The following MRPL48 variants were observed in gnomAD, a reference collection of about 807,000 sequenced individuals.
The protein encoded by MRPL48 is mitochondrial ribosomal protein L48, also known as large ribosomal subunit protein mL48.
In MRPL48, 16 loss-of-function variants were observed where a neutral mutation model predicts 32.9. The observed-to-expected ratio is 0.49, with a 90% CI of 0.33 to 0.74. The LOEUF (loss-of-function observed/expected upper bound fraction) is 0.74, where lower values mean the gene tolerates loss of function less well. Among genes scored for constraint, MRPL48 ranks in the 30% least tolerant of loss-of-function variants. The pLI is 0.02. For synonymous variants in MRPL48, 94 were observed against 89.2 expected, an observed-to-expected ratio of 1.05 and a Z score of -0.31; for missense variants, 206 against 245.3, an observed-to-expected ratio of 0.84 and a Z score of 1.07.
intron 1 of MRPL48, among the ~76,000 whole-genome samples, chr11:73,788,869 C>T (rs1723846): frequency 0.081 from 12,397 of 152,192 alleles, 643 homozygotes; most frequent in African/African-American, 0.15. Flanking sequence ...TCTCCCGTTC[C>T]CTTAACAGAT....
At chr11:73,812,638 A>G (rs1947585826) in intron 3 of MRPL48, among the ~76,000 whole-genome samples, 1 of 151,544 alleles carries the variant, frequency 6.6e-6, no homozygotes. Flanking sequence ...CAGGAGTTTG[A>G]GGCTGTACCG....
Position 73,859,627 on chromosome 11 carries a change from T to C in MRPL48, c.372-280T>C, listed in dbSNP as rs1219915695. ...CCATTCTTCAGTAGCAACAAATTAT[T>C]TATTATTAATCACCAGGTTTTATTC... On this transcript the variant is annotated intron_variant, in intron 5 of 7. Coordinates refer to ENST00000310614, the MANE Select transcript of MRPL48 (RefSeq NM_016055.6). Among the ~76,000 whole-genome samples the C allele has an allele frequency of 4.6e-5, 7 of 152,282 alleles. No individual in the cohort carries two copies. In the South Asian group the frequency reaches 1.4e-3, roughly 32 times the overall value.
chr11:73,834,641 C>T (rs2135031344), intron 4 of MRPL48, among the ~76,000 whole-genome samples: 1 of 151,040 alleles, frequency 6.6e-6, no homozygotes, highest in Admixed American at 6.6e-5. Flanking sequence ...TCAAGTGATT[C>T]TCCTGCCTCA....
chr11:73,835,736 T>C (rs1029809724), intron 4 of MRPL48, among the ~76,000 whole-genome samples: 5 of 151,780 alleles, frequency 3.3e-5, no homozygotes, highest in Non-Finnish European at 5.9e-5. Flanking sequence ...CCATTTCTAC[T>C]AAAAATACAA....
chr11:73,820,357 A>T (rs1947754937), intron 3 of MRPL48, among the ~76,000 whole-genome samples: 1 of 152,062 alleles, frequency 6.6e-6, no homozygotes, highest in Admixed American at 6.6e-5. Flanking sequence ...CCTGAGTAGC[A>T]GGGACTACAG....
chr11:73,806,550 T>A (rs1414302916), intron 2 of MRPL48, among the ~76,000 whole-genome samples: 2 of 152,182 alleles, frequency 1.3e-5, no homozygotes, highest in Admixed American at 1.3e-4. Context: ...GACTCATTTT[T>A]TATATATAAA....
intron 1 of MRPL48, 138 bp downstream of exon 1, chr11:73,788,130 C>A: frequency 1.6e-6 from 2 of 1,288,734 alleles, no homozygotes; most frequent in Non-Finnish European, 2.1e-6. Context: ...CAAGGTCCTT[C>A]CCAGCAGCAC....
intron 5 of MRPL48, among the ~76,000 whole-genome samples, chr11:73,849,162 A>G (rs1449246252): frequency 6.6e-6 from 1 of 151,526 alleles, no homozygotes; most frequent in African/African-American, 2.4e-5. Flanking sequence ...GTTGAGACGG[A>G]GTCTTGCTCT....
At chr11:73,847,095 A>G (rs1948306443) in intron 5 of MRPL48, among the ~76,000 whole-genome samples, 1 of 151,382 alleles carries the variant, frequency 6.6e-6, no homozygotes, top group Admixed American at 6.6e-5. Flanking sequence ...ATTGTATAGT[A>G]AGTTTATGTT....
At chr11:73,798,647 C>G (rs1947302939) in intron 1 of MRPL48, among the ~76,000 whole-genome samples, 1 of 152,030 alleles carries the variant, frequency 6.6e-6, no homozygotes, top group Non-Finnish European at 1.5e-5. Context: ...ATTTAAGTAA[C>G]AGATGGATCA....
At chr11:73,799,777 A>G (rs570138048) in intron 1 of MRPL48, among the ~76,000 whole-genome samples, 6 of 152,338 alleles carry the variant, frequency 3.9e-5, no homozygotes, top group African/African-American at 1.2e-4. Flanking sequence ...CCCTAAATCT[A>G]TATAAAAGAA....
At position 73,817,489 on chromosome 11, in the gene MRPL48, C is replaced by T. The variant is rs189651334; in HGVS notation, c.113-8219C>T. ...TTCTCTATTTGAGAATCCCTTTTTACATACTCATCAACATCGAGTATTATT... is the reference window on the plus strand; with the variant it reads ...TTCTCTATTTGAGAATCCCTTTTTATATACTCATCAACATCGAGTATTATT... On this transcript the variant is annotated intron_variant, in intron 3 of 7. Transcript: ENST00000310614. 1.4e-4 allele frequency among the ~76,000 whole-genome samples: 21 copies of T among 152,314 alleles called. No individual in the cohort carries two copies. The East Asian group carries it at 3.7e-3, about 27-fold the overall frequency.
intron 5 of MRPL48, among the ~76,000 whole-genome samples, chr11:73,858,878 T>G (rs1449826659): frequency 6.6e-6 from 1 of 152,244 alleles, no homozygotes; most frequent in Non-Finnish European, 1.5e-5. Flanking sequence ...AAGTAAATAT[T>G]GCTAATAAGT....
At chr11:73,788,100 G>C in intron 1 of MRPL48, 108 bp downstream of exon 1, 1 of 1,520,074 alleles carries the variant, frequency 6.6e-7, no homozygotes. Context: ...GGACATCCGG[G>C]GATGAGACAC....
intron 3 of MRPL48, among the ~76,000 whole-genome samples, chr11:73,821,155 C>A (rs1178207798): frequency 6.6e-6 from 1 of 152,030 alleles, no homozygotes; most frequent in Non-Finnish European, 1.5e-5. Context: ...CCATGCCCAG[C>A]TAATTTTTTT....
At chr11:73,849,716 T>G (rs955276819) in intron 5 of MRPL48, among the ~76,000 whole-genome samples, 1 of 152,230 alleles carries the variant, frequency 6.6e-6, no homozygotes, top group African/African-American at 2.4e-5. Flanking sequence ...TATAAATATG[T>G]ACAGGTTTTT....
intron 1 of MRPL48, among the ~76,000 whole-genome samples, chr11:73,803,980 C>T (rs951300976): frequency 6.6e-6 from 1 of 151,990 alleles, no homozygotes; most frequent in Non-Finnish European, 1.5e-5. Context: ...ACTGCAGTGG[C>T]GAGATCTCGG....
intron 1 of MRPL48, among the ~76,000 whole-genome samples, chr11:73,790,533 C>T (rs1198555556): frequency 1.3e-5 from 2 of 150,972 alleles, no homozygotes; most frequent in Non-Finnish European, 3.0e-5. Context: ...TACGGGTGCC[C>T]GCCACCACAC....
At chr11:73,802,682 C>T (rs1947380347) in intron 1 of MRPL48, among the ~76,000 whole-genome samples, 1 of 151,282 alleles carries the variant, frequency 6.6e-6, no homozygotes, top group African/African-American at 2.4e-5. Context: ...CAGCAGTTGG[C>T]ATATAAGCTT....
Sources: gnomAD v4.1 joint callset for allele counts (sites outside exome capture counted in the v4.1 genomes callset) on GRCh38, gnomAD v4.1.1 for gene constraint, MANE v1.5 for transcripts, NCBI Gene and HGNC (gene_info 2026-07-23, HGNC 2026-07-21) for gene names.